Variants in SNAP91 observed in about 807,000 individuals in gnomAD.
SNAP91 encodes the protein clathrin coat assembly protein AP180.
SNAP91 carries 27 observed loss-of-function variants against 100.3 expected under a neutral mutation model. The ratio of observed to expected loss-of-function variants is 0.27; its 90% CI spans 0.20 to 0.37. The LOEUF (loss-of-function observed/expected upper bound fraction) is 0.37, where lower values mean the gene tolerates loss of function less well. SNAP91 is among the 10% of genes least tolerant of loss of function. The pLI, the probability that SNAP91 is intolerant of heterozygous loss-of-function variation, is 1.00. For synonymous variants in SNAP91, 404 were observed against 398.6 expected, an observed-to-expected ratio of 1.01 and a Z score of -0.16; for missense variants, 986 against 1,123.7, an observed-to-expected ratio of 0.88 and a Z score of 1.75.
At chr6:83,591,373 G>A in intron 21 of SNAP91, 79 bp from the exon 22 acceptor site, 2 of 889,280 alleles carry the variant, frequency 2.2e-6, no homozygotes, top group Non-Finnish European at 1.9e-6. Context: ...GTATTATGTA[G>A]AGAAATGCAG....
chr6:83,669,591 A>G (rs965173523), intron 2 of SNAP91, among the ~76,000 whole-genome samples: 1 of 151,974 alleles, frequency 6.6e-6, no homozygotes, highest in African/African-American at 2.4e-5. Context: ...AAAATAAGAT[A>G]ATGAACATAT....
At chr6:83,613,506 AG>A (rs1009447592) in intron 11 of SNAP91, among the ~76,000 whole-genome samples, 5 of 152,248 alleles carry the variant, frequency 3.3e-5, no homozygotes, top group African/African-American at 1.2e-4. Flanking sequence ...TGAGAACCAG[AG>A]GTGCTCCAAT....
intron 26 of SNAP91, among the ~76,000 whole-genome samples, chr6:83,569,829 T>C (rs1034872123): frequency 4.6e-5 from 7 of 152,178 alleles, no homozygotes; most frequent in African/African-American, 1.7e-4. Context: ...CTGTCATCCA[T>C]GTAAGATGTG....
At chr6:83,575,808 G>A (rs1308350901) in intron 25 of SNAP91, among the ~76,000 whole-genome samples, 1 of 152,150 alleles carries the variant, frequency 6.6e-6, no homozygotes, top group Non-Finnish European at 1.5e-5. Flanking sequence ...CTCGGAGATT[G>A]AAATAGATTA....
chr6:83,576,062 G>T lies in SNAP91; in HGVS notation c.2300-9C>A. The stretch of plus-strand genomic sequence containing the variant: ...ACCAGAAATTCCAAGATCTATAAAT[G>T]GATAAAAGAAAAAAGAATGTAAATC... On this transcript the variant is annotated splice_polypyrimidine_tract_variant and intron_variant, in intron 24 of 29. Transcript: ENST00000369694. 7.6e-7 allele frequency: 1 copy of T among 1,313,986 alleles called. No individual in the cohort carries two copies. The highest frequency in any genetic ancestry group is 1.0e-6 in the Non-Finnish European group (1 of 953,018). 81.4% of individuals were successfully genotyped at this position (1,313,986 alleles called of 1,614,324 possible). A position where few individuals can be genotyped will look rare whatever the true frequency, so the allele number is the denominator to read the frequency against.
chr6:83,620,512 C>G (rs1172765945), intron 9 of SNAP91, among the ~76,000 whole-genome samples: 1 of 152,164 alleles, frequency 6.6e-6, no homozygotes, highest in Non-Finnish European at 1.5e-5. Context: ...CAGACCTGAT[C>G]ATAACTGTCA....
chr6:83,588,873 C>T (rs567271170), intron 22 of SNAP91, among the ~76,000 whole-genome samples: 35 of 152,220 alleles, frequency 2.3e-4, no homozygotes, highest in African/African-American at 8.2e-4. Flanking sequence ...CTGTGTAGCA[C>T]TGGAGGTGGT....
At chr6:83,673,460 G>A (rs559388721) in intron 2 of SNAP91, among the ~76,000 whole-genome samples, 5 of 152,260 alleles carry the variant, frequency 3.3e-5, no homozygotes, top group Middle Eastern at 3.4e-3. Context: ...AGAACTGTGA[G>A]AACCAAATTT....
At chr6:83,707,754 G>A (rs760462575) in intron 2 of SNAP91, 44 bp downstream of exon 2, 2 of 1,605,704 alleles carry the variant, frequency 1.2e-6, no homozygotes, top group Admixed American at 1.7e-5. Context: ...CATCCCAGGC[G>A]CCTCTGCCGT....
chr6:83,653,363 G>C (rs574062200), intron 7 of SNAP91, among the ~76,000 whole-genome samples: 1 of 152,134 alleles, frequency 6.6e-6, no homozygotes, highest in East Asian at 1.9e-4. Flanking sequence ...TGTAGTTTTG[G>C]AGGTTTCTAT....
intron 25 of SNAP91, 33 bp from the exon 26 acceptor site, chr6:83,575,154 C>CA (rs776299800): frequency 6.3e-6 from 9 of 1,438,234 alleles, no homozygotes; most frequent in Non-Finnish European, 7.7e-6. Flanking sequence ...AGCAAACAAA[C>CA]AAAAAATCAC....
chr6:83,617,034 G>A lies in SNAP91; in HGVS notation c.813C>T (p.Pro271=). 1 of 1,537,218 alleles carries A rather than the reference G, an allele frequency of 6.5e-7. No homozygotes were observed. Among genetic ancestry groups the A allele is most frequent in the Non-Finnish European group, 8.8e-7 (1 of 1,139,728 alleles). The change falls in exon 10 of 30, where the codon CCC becomes CCT. Residue 271 remains proline (P), a synonymous_variant. Coordinates refer to ENST00000369694, the MANE Select transcript of SNAP91 (RefSeq NM_001242792.2). ...GTTCAAGCGTCTCCATAAGACTGCT[G>A]GGAGCCTACAATAAGAAAGTAAAAA... is the stretch of plus-strand genomic sequence containing the variant. ...KGDIPDLTQA[P]SSLMETLEQH... is the part of the protein sequence containing the mutation.
intron 5 of SNAP91, among the ~76,000 whole-genome samples, chr6:83,659,642 G>A (rs1005127417): frequency 6.6e-6 from 1 of 151,934 alleles, no homozygotes; most frequent in African/African-American, 2.4e-5. Flanking sequence ...ATGTTGCCCA[G>A]GCTGGTCTTA....
intron 29 of SNAP91, among the ~76,000 whole-genome samples, 158 bp downstream of exon 29, chr6:83,555,985 A>C (rs1184650729): frequency 3.3e-5 from 5 of 152,138 alleles, no homozygotes; most frequent in African/African-American, 1.2e-4. Flanking sequence ...AAAACTCTTA[A>C]AGAGAGCTTT....
chr6:83,598,614 T>C (rs1344445410), intron 16 of SNAP91, among the ~76,000 whole-genome samples: 1 of 152,172 alleles, frequency 6.6e-6, no homozygotes, highest in Non-Finnish European at 1.5e-5. Context: ...AGGCATGTTT[T>C]AAAGTTGTAA....
chr6:83,634,806 C>A (rs2097362886), intron 8 of SNAP91, among the ~76,000 whole-genome samples: 1 of 152,134 alleles, frequency 6.6e-6, no homozygotes, highest in Non-Finnish European at 1.5e-5. Flanking sequence ...CTTAAAACTG[C>A]CTTTGCTGCC....
At chr6:83,602,408 GA>G (rs1242982152) in intron 14 of SNAP91, among the ~76,000 whole-genome samples, 3 of 151,974 alleles carry the variant, frequency 2.0e-5, no homozygotes, top group African/African-American at 7.3e-5. Flanking sequence ...TTGGAAATGA[GA>G]CCATCCAATT....
intron 26 of SNAP91, among the ~76,000 whole-genome samples, chr6:83,574,071 ATGTT>A (rs1813627052): frequency 6.6e-6 from 1 of 152,198 alleles, no homozygotes; most frequent in South Asian, 2.1e-4. Context: ...TACTTCTTGC[ATGTT>A]TGTTTGGCTG....
chr6:83,681,099 G>T (rs1303110639), intron 2 of SNAP91, among the ~76,000 whole-genome samples: 1 of 151,894 alleles, frequency 6.6e-6, no homozygotes, highest in Non-Finnish European at 1.5e-5. Context: ...CTTTTGAAGG[G>T]GTTATGATTC....
Sources: gnomAD v4.1 joint callset for allele counts (sites outside exome capture counted in the v4.1 genomes callset) on GRCh38, gnomAD v4.1.1 for gene constraint, MANE v1.5 for transcripts, NCBI Gene and HGNC (gene_info 2026-07-23, HGNC 2026-07-21) for gene names.